The following VPS8 variants were observed in gnomAD, a reference collection of about 807,000 sequenced individuals.
VPS8 encodes vacuolar protein sorting-associated protein 8 homolog.
Under a neutral mutation model 216.4 loss-of-function variants are expected in VPS8, and 129 were observed. The ratio of observed to expected loss-of-function variants is 0.60; its 90% confidence interval spans 0.52 to 0.69. The LOEUF is 0.69. Among genes scored for constraint, VPS8 ranks in the 30% least tolerant of loss-of-function variants. The pLI, the probability that VPS8 is intolerant of heterozygous loss-of-function variation, is 0.00. For missense variants in VPS8, 1,531 were observed against 1,683.5 expected (o/e 0.91, Z 1.59); for synonymous variants, 571 against 565.4 (o/e 1.01, Z -0.14).
At chr3:185,025,905 T>G (rs1031712878) in intron 46 of VPS8, among the ~76,000 whole-genome samples, 1 of 152,226 alleles carries the variant, frequency 6.6e-6, no homozygotes, top group Admixed American at 6.5e-5. Context: ...TGTTTCGTCT[T>G]ATGTAAAATG....
In VPS8 at chr3:184,915,464, T is replaced by A. The variant is rs902003177; in HGVS notation, c.2372T>A (p.Val791Glu). ...LHFDTREFLNVLALTFEDFKN... is the reference protein window; with the variant it reads ...LHFDTREFLNELALTFEDFKN... ...TTTGACACAAGAGAATTTCTAAATGTATTGGCACTGGTAAGAGACAGTATT... is the reference window on the plus strand; with the variant it reads ...TTTGACACAAGAGAATTTCTAAATGAATTGGCACTGGTAAGAGACAGTATT... Residue 791 changes from valine (V) to glutamate (E), a missense_variant, in exon 28 of 48, where the codon GTA (valine) becomes GAA (glutamate). By Grantham distance (121) the Val-to-Glu change is moderately radical (BLOSUM62 -2). Coordinates refer to ENST00000625842, the MANE Select transcript of VPS8 (RefSeq NM_001009921.3). 1 of 1,613,546 alleles carries A rather than the reference T, an allele frequency of 6.2e-7. No individual in the cohort carries two copies. Among genetic ancestry groups the A allele is most frequent in the Non-Finnish European group, 8.5e-7 (1 of 1,179,708 alleles).
chr3:184,815,228 A>G (rs1212481724), intron 1 of VPS8, among the ~76,000 whole-genome samples: 1 of 152,248 alleles, frequency 6.6e-6, no homozygotes, highest in East Asian at 1.9e-4. Context: ...GATAAAAAGT[A>G]TAGGATAGCA....
rs1740054902 is a variant in VPS8, at chr3:184,928,355, G to T, written c.2632-96G>T. 7 of 1,168,668 alleles carry T rather than the reference G, an allele frequency of 6.0e-6. No individual in the cohort carries two copies. In the South Asian group the frequency reaches 7.2e-5, roughly 12 times the overall value. The allele number at this position is 1,168,668 out of a possible 1,614,324, so 72.4% of individuals were successfully genotyped here. On this transcript the variant is annotated intron_variant, in intron 31 of 47. Coordinates refer to ENST00000625842, the MANE Select transcript of VPS8 (RefSeq NM_001009921.3). ...AATATCATCAACTAAGAATACAAAA[G>T]AAAAAAATTAAATGTTATAGTCTGC...
chr3:184,992,049 G>C (rs1751967706), intron 42 of VPS8, among the ~76,000 whole-genome samples: 1 of 152,164 alleles, frequency 6.6e-6, no homozygotes, highest in Non-Finnish European at 1.5e-5. Context: ...CAGTTGAAGA[G>C]TCCAGAGAAA....
At position 184,855,694 on chromosome 3, in the gene VPS8, TC is replaced by T; in HGVS notation, c.1036-15del. 1 of 1,591,794 alleles carries T rather than the reference TC, an allele frequency of 6.3e-7. No homozygotes were observed. The highest frequency in any genetic ancestry group is 8.6e-7 in the Non-Finnish European group (1 of 1,164,252). On this transcript the variant is annotated splice_polypyrimidine_tract_variant and intron_variant, in intron 13 of 47. Transcript: ENST00000625842. ...TTATTAACTGTGATGATTTTTTTTT[TC>T]CATCTCCCTACTTAGATGGATCCTT...
rs1406789970 is a variant in VPS8, at chr3:184,860,696, AAC to A, written c.1224+633_1224+634del. Among the ~76,000 whole-genome samples the A allele has an allele frequency of 5.9e-5, 9 of 152,214 alleles. No individual in the cohort carries two copies. The South Asian group carries it at 1.9e-3, about 32-fold the overall frequency. ...AATCATTGCCTTGCTTTCTCTGTAA[AAC>A]ATTTTTTGTATTTTTGAGCTTTGTC... On this transcript the variant is annotated intron_variant, in intron 15 of 47. Transcript: ENST00000625842.
chr3:184,931,815 A>G (rs987452184), intron 34 of VPS8, among the ~76,000 whole-genome samples: 1 of 151,972 alleles, frequency 6.6e-6, no homozygotes, highest in African/African-American at 2.4e-5. Flanking sequence ...ATTCTTTTTC[A>G]TCCTCCTCTT....
Position 184,839,683 on chromosome 3 carries a change from C to G in VPS8, c.481-15C>G. ...ATGTAATGTCTTAAAACGTAATCTTCCCTTTTGTTTTCAGGCAGTATCCAG... is the reference window on the plus strand; with the variant it reads ...ATGTAATGTCTTAAAACGTAATCTTGCCTTTTGTTTTCAGGCAGTATCCAG... On this transcript the variant is annotated splice_polypyrimidine_tract_variant and intron_variant, in intron 6 of 47. Transcript: ENST00000625842. 1.3e-6 allele frequency: 2 copies of G among 1,596,324 alleles called. No homozygotes were observed. The highest frequency in any genetic ancestry group is 1.1e-5 in the South Asian group (1 of 87,818).
chr3:184,930,667 G>A, intron 34 of VPS8, 99 bp downstream of exon 34: 1 of 812,902 alleles, frequency 1.2e-6, no homozygotes, highest in Non-Finnish European at 2.0e-6. Flanking sequence ...ATATTAAGTT[G>A]ATTTAATTTA....
intron 36 of VPS8, among the ~76,000 whole-genome samples, chr3:184,947,312 T>G (rs1343001434): frequency 1.3e-5 from 2 of 152,212 alleles, no homozygotes; most frequent in Admixed American, 6.5e-5. Flanking sequence ...TTTGAAACTT[T>G]CCTTTCAGAA....
intron 46 of VPS8, among the ~76,000 whole-genome samples, chr3:185,034,601 T>C (rs145678806): frequency 1.4e-5 from 2 of 139,102 alleles, no homozygotes; most frequent in Non-Finnish European, 3.0e-5. Context: ...GTTTGCTTCG[T>C]TGATAGTTTT....
intron 25 of VPS8, among the ~76,000 whole-genome samples, chr3:184,908,930 A>G (rs1040417298): frequency 3.9e-5 from 6 of 152,254 alleles, no homozygotes; most frequent in Admixed American, 6.5e-5. Flanking sequence ...GTTAAAAGGC[A>G]TTATTCAGAA....
chr3:185,018,394 A>G (rs1008220445), intron 45 of VPS8, among the ~76,000 whole-genome samples: 1 of 152,194 alleles, frequency 6.6e-6, no homozygotes, highest in South Asian at 2.1e-4. Context: ...CCTAATTCAC[A>G]CTACTCTAAG....
chr3:184,982,961 T>C, intron 41 of VPS8, 51 bp from the exon 42 acceptor site: 1 of 1,470,424 alleles, frequency 6.8e-7, no homozygotes. Context: ...TAGGAAAAAC[T>C]GAAAACTCTT....
intron 35 of VPS8, among the ~76,000 whole-genome samples, 180 bp downstream of exon 35, chr3:184,936,515 C>CTGTGTGTGTGTGTGTGTGTGTGTGTGTG (rs59011109): frequency 8.4e-6 from 1 of 119,370 alleles, no homozygotes; most frequent in Admixed American, 8.4e-5. Flanking sequence ...CAACCTAATA[C>CTGTGTGTGTGTGTGTGTGTGTGTGTGTG]TGTGTGTGTG....
intron 14 of VPS8, among the ~76,000 whole-genome samples, chr3:184,857,994 G>T (rs187557669): frequency 6.6e-6 from 1 of 152,296 alleles, no homozygotes; most frequent in Admixed American, 6.5e-5. Flanking sequence ...TCAGATTTTT[G>T]TTAAGATATC....
At chr3:184,967,611 G>A (rs561143238) in intron 39 of VPS8, among the ~76,000 whole-genome samples, 283 of 152,220 alleles carry the variant, frequency 1.9e-3, no homozygotes, top group Admixed American at 7.3e-3. Flanking sequence ...GCCGAGGCAG[G>A]TGGATCACCT....
At chr3:184,988,023 G>C (rs922947406) in intron 42 of VPS8, among the ~76,000 whole-genome samples, 1 of 152,118 alleles carries the variant, frequency 6.6e-6, no homozygotes, top group East Asian at 1.9e-4. Flanking sequence ...TTGTTTTCTT[G>C]TTGTTGGGTT....
At chr3:184,985,721 G>A (rs1750964356) in intron 42 of VPS8, among the ~76,000 whole-genome samples, 1 of 152,286 alleles carries the variant, frequency 6.6e-6, no homozygotes, top group East Asian at 1.9e-4. Context: ...AACTGAACTT[G>A]GAAAAGATCT....
Sources: gnomAD v4.1 joint callset for allele counts (sites outside exome capture counted in the v4.1 genomes callset) on GRCh38, gnomAD v4.1.1 for gene constraint, MANE v1.5 for transcripts, NCBI Gene and HGNC (gene_info 2026-07-23, HGNC 2026-07-21) for gene names.